Variants in TENM1 observed in about 807,000 individuals in gnomAD.
TENM1 encodes teneurin-1.
Under a neutral mutation model 174.8 loss-of-function variants are expected in TENM1, and 35 were observed. The observed-to-expected ratio is 0.20, with a 90% CI of 0.15 to 0.27. The LOEUF is 0.27. TENM1 is among the 10% of genes least tolerant of loss of function. The probability of loss-of-function intolerance (pLI) is 1.00; values close to 1 mark genes in which losing one functional copy is unlikely to be tolerated. For synonymous variants in TENM1, 781 were observed against 798.7 expected (o/e 0.98, Z 0.37); for missense variants, 1,633 against 2,130.1 (o/e 0.77, Z 4.59).
intron 15 of TENM1, among the ~76,000 whole-genome samples, chrX:124,543,251 T>G (rs983141693): frequency 8.9e-6 from 1 of 112,512 alleles, no homozygotes; most frequent in Non-Finnish European, 1.9e-5. Context: ...GAAGATATTC[T>G]GATTTTTATG....
rs1257127547 is a variant in TENM1 at position 124,523,491 on chromosome X, ACT to A, written c.2904_2905del (p.Arg968SerfsTer41). On this transcript the variant is annotated frameshift_variant, in exon 17 of 32. Transcript: ENST00000422452. LOFTEE classifies it high-confidence loss of function. ...ATCGCAGGATGGCGGGTCTGATACA[ACT>A]CTCTGCATGGTGACTTTCTCTACCA... is the stretch of plus-strand genomic sequence containing the variant. 1 of 1,209,227 alleles carries A rather than the reference ACT, an allele frequency of 8.3e-7. No individual in the cohort carries two copies. Among genetic ancestry groups the A allele is most frequent in the African/African-American group, 1.8e-5 (1 of 56,866 alleles).
chrX:124,482,597 G>T (rs1237371567), intron 21 of TENM1, among the ~76,000 whole-genome samples: 1 of 111,578 alleles, frequency 9.0e-6, no homozygotes, highest in Non-Finnish European at 1.9e-5. Flanking sequence ...TAATGGAACT[G>T]GTTATATTTA....
chrX:124,868,880 G>C (rs1013388368), intron 3 of TENM1, among the ~76,000 whole-genome samples: 7 of 110,672 alleles, frequency 6.3e-5, no homozygotes, highest in Admixed American at 9.6e-5. Flanking sequence ...ATATGAAAAG[G>C]CTCAGTATCA....
chrX:124,966,222 C>T (rs1412148379), upstream of TENM1, among the ~76,000 whole-genome samples: 3 of 111,490 alleles, frequency 2.7e-5, no homozygotes, highest in Admixed American at 9.6e-5. Flanking sequence ...CCCTCCACAC[C>T]GCAGCCAGAA....
At chrX:124,751,982 T>C (rs2054085310) in intron 3 of TENM1, among the ~76,000 whole-genome samples, 1 of 110,685 alleles carries the variant, frequency 9.0e-6, no homozygotes, top group African/African-American at 3.3e-5. Flanking sequence ...AGCGGCATGA[T>C]TTATAGTCCT....
At chrX:124,660,727 T>C (rs2051579058) in intron 6 of TENM1, among the ~76,000 whole-genome samples, 1 of 111,532 alleles carries the variant, frequency 9.0e-6, no homozygotes, top group Non-Finnish European at 1.9e-5. Flanking sequence ...CAATAACAAG[T>C]GTAAGGATGT....
chrX:124,547,930 G>A (rs1362395541), intron 14 of TENM1, among the ~76,000 whole-genome samples: 5 of 111,746 alleles, frequency 4.5e-5, no homozygotes, highest in Non-Finnish European at 7.5e-5. Flanking sequence ...TCTGCCTCCC[G>A]GGTTCACGCC....
At chrX:124,417,217 C>T (rs774247803) in intron 25 of TENM1, among the ~76,000 whole-genome samples, 1 of 109,246 alleles carries the variant, frequency 9.2e-6, no homozygotes, top group Admixed American at 9.8e-5. Flanking sequence ...TCTTCTCTTT[C>T]TTTTTTTTTG....
chrX:124,893,117 T>A (rs1014356406), intron 3 of TENM1, among the ~76,000 whole-genome samples: 16 of 112,447 alleles, frequency 1.4e-4, no homozygotes, highest in African/African-American at 4.5e-4. Flanking sequence ...GGCATGGTTG[T>A]CATCAATTAA....
chrX:124,755,890 A>G (rs1357392646), intron 3 of TENM1, among the ~76,000 whole-genome samples: 1 of 105,991 alleles, frequency 9.4e-6, no homozygotes, highest in East Asian at 2.9e-4. Context: ...CTTTGTGGGT[A>G]ACCCGACCTT....
At chrX:124,740,201 G>C (rs2053767941) in intron 3 of TENM1, among the ~76,000 whole-genome samples, 1 of 111,699 alleles carries the variant, frequency 9.0e-6, no homozygotes, top group South Asian at 3.8e-4. Context: ...TTGAGGTCTT[G>C]TGCTCAGAAC....
chrX:124,959,399 G>T (rs16998175), intron 1 of TENM1, among the ~76,000 whole-genome samples: 1,328 of 111,345 alleles, frequency 0.012, 18 homozygotes, highest in African/African-American at 0.041. Flanking sequence ...CTGAAGGATG[G>T]TGCTGGCTAA....
intron 11 of TENM1, among the ~76,000 whole-genome samples, chrX:124,631,916 C>A (rs1385434210): frequency 1.1e-5 from 1 of 90,301 alleles, no homozygotes; most frequent in African/African-American, 4.4e-5. Flanking sequence ...AAAATCCATA[C>A]AGTTTTTTTT....
At chrX:124,700,734 A>G (rs1217742636) in intron 5 of TENM1, among the ~76,000 whole-genome samples, 3 of 111,727 alleles carry the variant, frequency 2.7e-5, no homozygotes, top group Non-Finnish European at 5.7e-5. Flanking sequence ...TGAATTTTCC[A>G]AAGTCAGCAC....
chrX:125,152,409 TAAAAC>T, the TENM1 span, among the ~76,000 whole-genome samples: 2 of 111,864 alleles, frequency 1.8e-5, no homozygotes, highest in African/African-American at 3.3e-5. Flanking sequence ...TTAATTGTCA[TAAAAC>T]GAAAAGATAT....
At chrX:124,770,035 A>G (rs2054619250) in intron 3 of TENM1, among the ~76,000 whole-genome samples, 1 of 112,144 alleles carries the variant, frequency 8.9e-6, no homozygotes, top group Admixed American at 9.5e-5. Context: ...CTTGCCTAAC[A>G]TCATATAGCT....
intron 3 of TENM1, among the ~76,000 whole-genome samples, chrX:124,831,759 C>T (rs1166612525): frequency 1.8e-5 from 2 of 111,096 alleles, no homozygotes; most frequent in African/African-American, 3.3e-5. Flanking sequence ...AAATTGTGCC[C>T]TCTGTGAAGT....
At chrX:125,182,210 G>A in the TENM1 span, among the ~76,000 whole-genome samples, 48 of 109,911 alleles carry the variant, frequency 4.4e-4, no homozygotes, top group Non-Finnish European at 8.6e-4. Flanking sequence ...AGTAAAATCA[G>A]GCCAAGTTCT....
intron 11 of TENM1, among the ~76,000 whole-genome samples, chrX:124,586,795 T>C (rs2049531191): frequency 1.9e-5 from 2 of 106,723 alleles, no homozygotes; most frequent in Admixed American, 1.0e-4. Context: ...AACCCCATTG[T>C]CTCAGCCCAA....
Sources: allele counts gnomAD v4.1 joint callset (sites outside exome capture counted in the v4.1 genomes callset), GRCh38; gene constraint gnomAD v4.1.1; transcripts MANE v1.5; gene names NCBI Gene and HGNC (gene_info 2026-07-23, HGNC 2026-07-21).